ANKRD31: variants seen among roughly 807,000 people sequenced by gnomAD.
ANKRD31 encodes the protein ankyrin repeat domain-containing protein 31.
In ANKRD31, 147 loss-of-function variants were observed where a neutral mutation model predicts 186.0. The ratio of observed to expected loss-of-function variants is 0.79; its 90% CI spans 0.69 to 0.91. The LOEUF (loss-of-function observed/expected upper bound fraction) is 0.91. Ranked by LOEUF, ANKRD31 falls within the 40% of genes least tolerant of loss-of-function variation. ANKRD31 has a pLI of 0.00. For missense variants in ANKRD31, 1,986 were observed against 2,148.8 expected (o/e 0.92, Z 1.50); for synonymous variants, 673 against 736.4 (o/e 0.91, Z 1.39).
intron 9 of ANKRD31, among the ~76,000 whole-genome samples, chr5:75,190,008 T>TC (rs1368325044): frequency 2.0e-5 from 3 of 151,972 alleles, no homozygotes; most frequent in East Asian, 1.9e-4. Context: ...TTTAGAATTT[T>TC]TTTTTTTTTT....
chr5:75,134,414 A>G (rs1371710581), intron 17 of ANKRD31, among the ~76,000 whole-genome samples: 1 of 152,216 alleles, frequency 6.6e-6, no homozygotes, highest in African/African-American at 2.4e-5. Context: ...GAAAATCTAG[A>G]AGAAATGGAT....
At chr5:75,154,468 A>G (rs1752033035) in intron 11 of ANKRD31, 123 bp from the exon 12 acceptor site, 2 of 875,190 alleles carry the variant, frequency 2.3e-6, no homozygotes, top group African/African-American at 1.7e-5. Context: ...GGATTTATCT[A>G]TAAATCCTTG....
At chr5:75,083,513 G>A (rs1161005442) in intron 24 of ANKRD31, among the ~76,000 whole-genome samples, 2 of 152,186 alleles carry the variant, frequency 1.3e-5, no homozygotes, top group African/African-American at 4.8e-5. Flanking sequence ...CAGATCACCT[G>A]AGGTCAGGAA....
chr5:75,091,254 G>A lies in ANKRD31; in HGVS notation c.5472+7C>T, dbSNP rs1327702687. ...TGAAGTTAAAGATAAACTTAAGAAT[G>A]ACCCACCTTACTCCAAGCATAATTC... On this transcript the variant is annotated splice_region_variant and intron_variant, in intron 23 of 25. Transcript: ENST00000506364. 7.9e-6 allele frequency: 12 copies of A among 1,523,350 alleles called. No individual in the cohort carries two copies. Among genetic ancestry groups the A allele is most frequent in the South Asian group, 1.2e-5 (1 of 81,584 alleles). 94.4% of individuals were successfully genotyped at this position (1,523,350 alleles called of 1,614,324 possible). A position where few individuals can be genotyped will look rare whatever the true frequency, so the allele number is the denominator to read the frequency against.
At chr5:75,177,701 C>T (rs545600418) in intron 10 of ANKRD31, among the ~76,000 whole-genome samples, 105 of 152,186 alleles carry the variant, frequency 6.9e-4, no homozygotes, top group African/African-American at 2.5e-3. Flanking sequence ...TTTGTCACCA[C>T]CAGGCCTGCC....
chr5:75,143,749 T>C (rs1286124481), intron 15 of ANKRD31, among the ~76,000 whole-genome samples: 2 of 152,146 alleles, frequency 1.3e-5, no homozygotes, highest in Admixed American at 1.3e-4. Flanking sequence ...TTGCTGTGTC[T>C]GCAGTTTACC....
chr5:75,191,147 T>A (rs879893298), intron 9 of ANKRD31, among the ~76,000 whole-genome samples: 3 of 152,170 alleles, frequency 2.0e-5, no homozygotes, highest in Non-Finnish European at 4.4e-5. Context: ...AACTTTTATT[T>A]TTCATTTAAA....
intron 1 of ANKRD31, among the ~76,000 whole-genome samples, chr5:75,236,329 C>T (rs181957802): frequency 6.6e-6 from 1 of 152,290 alleles, no homozygotes; most frequent in Admixed American, 6.5e-5. Flanking sequence ...AAAAGGAAAG[C>T]CTTTTGAAAA....
chr5:75,131,001 G>C (rs1418758272), intron 17 of ANKRD31, among the ~76,000 whole-genome samples: 2 of 152,250 alleles, frequency 1.3e-5, no homozygotes, highest in African/African-American at 4.8e-5. Context: ...GCCCCACAAA[G>C]AGAGAACGGT....
chr5:75,165,153 T>C (rs564834924), intron 11 of ANKRD31, among the ~76,000 whole-genome samples: 174 of 152,288 alleles, frequency 1.1e-3, no homozygotes, highest in African/African-American at 4.0e-3. Context: ...GTATGGACCA[T>C]GTGATCATAA....
In ANKRD31 at chr5:75,068,584, G is replaced by T; in HGVS notation, c.5728C>A (p.Leu1910Ile). The part of the protein sequence containing the change: ...EILLISDQEF[L>I]PCHIMDQHWK... ...TGCTGATCCATTATGTGGCATGGGAGAAATTCTTGATCACTGATTAATAGT... is the reference window on the plus strand; with the variant it reads ...TGCTGATCCATTATGTGGCATGGGATAAATTCTTGATCACTGATTAATAGT... Residue 1910 changes from leucine to isoleucine, a missense_variant, in exon 26 of 26, where the codon CTC becomes ATC. Coordinates refer to ENST00000506364, the MANE Select transcript of ANKRD31 (RefSeq NM_001372053.1). The T allele has an allele frequency of 6.6e-7, 1 of 1,526,716 alleles. No individual in the cohort carries two copies. Among genetic ancestry groups the T allele is most frequent in the South Asian group, 1.2e-5 (1 of 80,970 alleles). The allele number at this position is 1,526,716 out of a possible 1,614,324, so 94.6% of individuals were successfully genotyped here.
Position 75,188,550 on chromosome 5 carries a change from C to A in ANKRD31, c.1507G>T (p.Asp503Tyr). The change falls in exon 10 of 26, where the codon GAT becomes TAT. Residue 503 changes from aspartate to tyrosine, a missense_variant. Transcript: ENST00000506364. ...TTTTTTATACAATGATGAACAAGAT[C>A]AGCATCATCGTGTAGAGCAGCCTTA... ...VYKAALHDDA[D>Y]LVHHCIKKGG... 1 of 1,536,314 alleles carries A rather than the reference C, an allele frequency of 6.5e-7. No individual in the cohort carries two copies. Among genetic ancestry groups the A allele is most frequent in the South Asian group, 1.2e-5 (1 of 83,912 alleles).
At chr5:75,202,214 T>C (rs1480608949) in intron 5 of ANKRD31, among the ~76,000 whole-genome samples, 1 of 152,232 alleles carries the variant, frequency 6.6e-6, no homozygotes, top group Non-Finnish European at 1.5e-5. Flanking sequence ...AGAATAAATC[T>C]CTTCAAATAT....
intron 10 of ANKRD31, among the ~76,000 whole-genome samples, chr5:75,185,430 C>T (rs528730129): frequency 1.6e-4 from 24 of 152,126 alleles, no homozygotes; most frequent in Non-Finnish European, 2.6e-4. Context: ...TGGTGGCGGG[C>T]GCCTGTAATC....
chr5:75,077,931 CAAAAAAAAA>C (rs56910458), intron 25 of ANKRD31, among the ~76,000 whole-genome samples: 1 of 66,732 alleles, frequency 1.5e-5, no homozygotes, highest in East Asian at 4.1e-4. Context: ...GACTCCGTCT[CAAAAAAAAA>C]AAAAAAAAAA....
At chr5:75,098,075 AGT>A (rs941900148) in intron 22 of ANKRD31, among the ~76,000 whole-genome samples, 3 of 151,356 alleles carry the variant, frequency 2.0e-5, no homozygotes, top group Admixed American at 6.6e-5. Context: ...CCCAGGCTGG[AGT>A]GCAGTGGCGC....
At chr5:75,174,618 C>T (rs2150201491) in intron 10 of ANKRD31, among the ~76,000 whole-genome samples, 1 of 152,266 alleles carries the variant, frequency 6.6e-6, no homozygotes, top group Non-Finnish European at 1.5e-5. Flanking sequence ...AGCCAACAGA[C>T]ACATGAAAAA....
chr5:75,119,102 T>C (rs1390080273), intron 17 of ANKRD31, among the ~76,000 whole-genome samples: 1 of 152,214 alleles, frequency 6.6e-6, no homozygotes, highest in Admixed American at 6.5e-5. Flanking sequence ...TAAAAAAAAA[T>C]TCAACTTTTA....
At chr5:75,140,279 G>A (rs1450247858) in intron 15 of ANKRD31, among the ~76,000 whole-genome samples, 3 of 84,204 alleles carry the variant, frequency 3.6e-5, no homozygotes, top group South Asian at 4.0e-4. Flanking sequence ...AAGAGAGAGA[G>A]AGAAAGAAAG....
Sources: allele counts gnomAD v4.1 joint callset (sites outside exome capture counted in the v4.1 genomes callset), GRCh38; gene constraint gnomAD v4.1.1; transcripts MANE v1.5; gene names NCBI Gene and HGNC (gene_info 2026-07-23, HGNC 2026-07-21).